STK3: variants seen among roughly 807,000 people sequenced by gnomAD.
The protein encoded by STK3 is serine/threonine-protein kinase 3.
Under a neutral mutation model 58.0 loss-of-function variants are expected in STK3, and 41 were observed. The observed-to-expected ratio is 0.71, with a 90% CI of 0.55 to 0.92. The LOEUF (loss-of-function observed/expected upper bound fraction) is 0.92, where lower values mean the gene tolerates loss of function less well. STK3 is among the 40% of genes least tolerant of loss of function. STK3 has a pLI of 0.00. For missense variants in STK3, 479 were observed against 602.7 expected, an observed-to-expected ratio of 0.79 and a Z score of 2.15; for synonymous variants, 170 against 191.0, an observed-to-expected ratio of 0.89 and a Z score of 0.91.
chr8:98,497,312 A>AC (rs1199717126), intron 10 of STK3, among the ~76,000 whole-genome samples: 11 of 152,252 alleles, frequency 7.2e-5, no homozygotes, highest in African/African-American at 2.4e-4. Flanking sequence ...TAGATCAAAG[A>AC]CCTATATGTA....
intron 3 of STK3, among the ~76,000 whole-genome samples, chr8:98,416,979 A>G (rs1818122356): frequency 6.6e-6 from 1 of 152,198 alleles, no homozygotes; most frequent in Non-Finnish European, 1.5e-5. Flanking sequence ...CAGATGGCAG[A>G]ATCCAGGGGA....
downstream of STK3, among the ~76,000 whole-genome samples, chr8:98,452,104 T>C (rs992143013): frequency 6.6e-6 from 1 of 152,236 alleles, no homozygotes; most frequent in African/African-American, 2.4e-5. Context: ...ATAGCAATCC[T>C]ATTGAATGCT....
At chr8:98,678,620 T>C (rs1457139477) in intron 6 of STK3, among the ~76,000 whole-genome samples, 2 of 152,120 alleles carry the variant, frequency 1.3e-5, no homozygotes, top group Non-Finnish European at 2.9e-5. Context: ...CTTAAGGATA[T>C]GGGAAAGTGA....
intron 10 of STK3, among the ~76,000 whole-genome samples, chr8:98,488,980 A>T (rs1822491668): frequency 6.6e-6 from 1 of 152,074 alleles, no homozygotes. Flanking sequence ...CCTTTCTCCA[A>T]CCAGCTGCCT....
chr8:98,409,274 T>A (rs1207922800), intron 3 of STK3, among the ~76,000 whole-genome samples: 1 of 152,132 alleles, frequency 6.6e-6, no homozygotes, highest in East Asian at 1.9e-4. Flanking sequence ...AAGAAGAGTG[T>A]CTCCCACATT....
rs571916834 is a variant in STK3 at position 98,617,957 on chromosome 8, A to G, written c.685-21788T>C. ...AAAAAGAGGGAATCCTCCCTAACTC[A>G]TTTTAGGAGGCCAGCATCATTCTGA... On this transcript the variant is annotated intron_variant, in intron 6 of 10. Coordinates refer to ENST00000419617, the MANE Select transcript of STK3 (RefSeq NM_006281.4). Among the ~76,000 whole-genome samples the G allele has an allele frequency of 1.1e-3, 173 of 152,322 alleles. 1 individual carries two copies. Among genetic ancestry groups the G allele is most frequent in the African/African-American group, 4.0e-3 (168 of 41,544 alleles).
At chr8:98,392,588 A>G (rs1817858330), upstream of STK3, among the ~76,000 whole-genome samples, 1 of 152,216 alleles carries the variant, frequency 6.6e-6, no homozygotes, top group Non-Finnish European at 1.5e-5. Context: ...GGACATTCCC[A>G]GCAGGCCCTC....
At chr8:98,884,448 T>G (rs1272562389) in intron 1 of STK3, among the ~76,000 whole-genome samples, 1 of 152,198 alleles carries the variant, frequency 6.6e-6, no homozygotes, top group Non-Finnish European at 1.5e-5. Flanking sequence ...CAAATGTAAC[T>G]TGGTACATAA....
upstream of STK3, among the ~76,000 whole-genome samples, chr8:98,389,919 C>T (rs373192474): frequency 6.6e-5 from 10 of 151,922 alleles, no homozygotes; most frequent in East Asian, 1.9e-4. Context: ...AGATGGGATG[C>T]GACTGAGCAG....
chr8:98,480,463 A>G (rs944148712), intron 10 of STK3, among the ~76,000 whole-genome samples: 24 of 152,236 alleles, frequency 1.6e-4, no homozygotes, highest in African/African-American at 5.3e-4. Flanking sequence ...AATGGATGTA[A>G]AAAGAGCATG....
the STK3 span, among the ~76,000 whole-genome samples, chr8:98,348,472 T>C: frequency 6.6e-6 from 1 of 152,120 alleles, no homozygotes; most frequent in Admixed American, 6.6e-5. Flanking sequence ...GTCAAGAGAA[T>C]GAGAAGACAA....
chr8:98,718,896 T>A (rs952235586), intron 4 of STK3, among the ~76,000 whole-genome samples: 1 of 152,184 alleles, frequency 6.6e-6, no homozygotes, highest in African/African-American at 2.4e-5. Context: ...TGGACAGTAC[T>A]GCACTAGAAA....
chr8:98,903,309 T>C (rs191497419), intron 1 of STK3, among the ~76,000 whole-genome samples: 207 of 152,290 alleles, frequency 1.4e-3, no homozygotes, highest in Middle Eastern at 6.8e-3. Context: ...ATTAAAACAA[T>C]TGAGTTTTTA....
At chr8:98,697,028 T>C (rs1463937101) in intron 6 of STK3, among the ~76,000 whole-genome samples, 2 of 152,238 alleles carry the variant, frequency 1.3e-5, no homozygotes, top group Admixed American at 1.3e-4. Context: ...ATTGCCACAA[T>C]TTCAGAGCCT....
intron 10 of STK3, among the ~76,000 whole-genome samples, chr8:98,510,361 GCAAATAGTTA>G: frequency 6.6e-6 from 1 of 151,970 alleles, no homozygotes; most frequent in South Asian, 2.1e-4. Context: ...AATCAGTTTT[GCAAATAGTTA>G]CAAAATTTTT....
At chr8:98,790,532 CA>C (rs1320945674) in intron 1 of STK3, among the ~76,000 whole-genome samples, 1 of 152,190 alleles carries the variant, frequency 6.6e-6, no homozygotes, top group Non-Finnish European at 1.5e-5. Flanking sequence ...TAATAAAAGA[CA>C]TCTATGACAA....
At chr8:98,487,807 G>A (rs533296495) in intron 10 of STK3, among the ~76,000 whole-genome samples, 1 of 152,212 alleles carries the variant, frequency 6.6e-6, no homozygotes, top group South Asian at 2.1e-4. Flanking sequence ...CTATAGTTGG[G>A]GAATAAGCTC....
chr8:98,911,416 G>C (rs1487620330), intron 1 of STK3, among the ~76,000 whole-genome samples: 1 of 152,008 alleles, frequency 6.6e-6, no homozygotes, highest in African/African-American at 2.4e-5. Context: ...ATTTTGGAGA[G>C]AGGGTCTTGC....
At chr8:98,628,332 C>A (rs1818890956) in intron 6 of STK3, among the ~76,000 whole-genome samples, 1 of 152,160 alleles carries the variant, frequency 6.6e-6, no homozygotes, top group Non-Finnish European at 1.5e-5. Context: ...TTACTAGACA[C>A]ATCTGATGTG....
Sources: gnomAD v4.1 joint callset for allele counts (sites outside exome capture counted in the v4.1 genomes callset) on GRCh38, gnomAD v4.1.1 for gene constraint, MANE v1.5 for transcripts, NCBI Gene and HGNC (gene_info 2026-07-23, HGNC 2026-07-21) for gene names.